The following AKR1C3 variants were observed in gnomAD, a reference collection of about 807,000 sequenced individuals.
AKR1C3 encodes 3-alpha hydroxysteroid dehydrogenase, type II.
In AKR1C3, 48 loss-of-function variants were observed where a neutral mutation model predicts 43.6. The ratio of observed to expected loss-of-function variants is 1.10; its 90% CI spans 0.87 to 1.40. The LOEUF is 1.40. Among genes scored for constraint, AKR1C3 ranks in the 40% most tolerant of loss-of-function variants. The probability of loss-of-function intolerance (pLI) is 0.00; values close to 1 mark genes in which losing one functional copy is unlikely to be tolerated. For missense variants in AKR1C3, 482 were observed against 391.2 expected (o/e 1.23, Z -1.96); for synonymous variants, 162 against 139.6 (o/e 1.16, Z -1.13).
At chr10:5,105,013 G>A (rs11252948) in intron 7 of AKR1C3, among the ~76,000 whole-genome samples, 9 of 151,556 alleles carry the variant, frequency 5.9e-5, no homozygotes, top group Admixed American at 3.3e-4. Context: ...TCAATTCCAT[G>A]TGTTAGCAAT....
chr10:5,058,305 C>T (rs1554779850), intron 1 of AKR1C3, among the ~76,000 whole-genome samples: 1 of 152,102 alleles, frequency 6.6e-6, no homozygotes, highest in Non-Finnish European at 1.5e-5. Flanking sequence ...ATTTGCCTTC[C>T]CTCTTAGAGA....
Position 5,071,844 on chromosome 10 carries a change from G to A in AKR1C3, c.84+22949G>A, listed in dbSNP as rs532921111. ...CCCTTCCTACTTTTTGTAATTTTCC[G>A]CTTGGCTGATTCCACTCAGTCTCTG... is the stretch of plus-strand genomic sequence containing the variant. On this transcript the variant is annotated intron_variant, in intron 1 of 8. Transcript: ENST00000439082. Among the ~76,000 whole-genome samples, 18 of 152,150 alleles carry A rather than the reference G, an allele frequency of 1.2e-4. No individual in the cohort carries two copies. The South Asian group carries it at 3.3e-3, about 28-fold the overall frequency.
Position 5,096,556 on chromosome 10 carries a change from A to C in AKR1C3, c.231A>C (p.Glu77Asp). ...SKIADGSVKR[E>D]DIFYTSKLWS... ...TTGCAGATGGCAGTGTGAAGAGAGAAGACATATTCTACACTTCAAAGGTAC... is the reference window on the plus strand; with the variant it reads ...TTGCAGATGGCAGTGTGAAGAGAGACGACATATTCTACACTTCAAAGGTAC... Residue 77 changes from glutamate (E) to aspartate (D), a missense_variant, in exon 2 of 9, where the codon GAA becomes GAC. Physicochemically the swap from Glu to Asp is conservative, Grantham distance 45. Transcript: ENST00000380554. 1 of 1,613,634 alleles carries C rather than the reference A, an allele frequency of 6.2e-7. No individual in the cohort carries two copies. Among genetic ancestry groups the C allele is most frequent in the Non-Finnish European group, 8.5e-7 (1 of 1,179,654 alleles).
At chr10:5,065,362 T>G (rs1041329363) in intron 1 of AKR1C3, among the ~76,000 whole-genome samples, 1 of 152,206 alleles carries the variant, frequency 6.6e-6, no homozygotes, top group East Asian at 1.9e-4. Flanking sequence ...ATTAAATGCC[T>G]GTCAACACCA....
intron 1 of AKR1C3, among the ~76,000 whole-genome samples, chr10:5,078,630 G>A (rs1406143968): frequency 1.2e-4 from 18 of 152,124 alleles, no homozygotes; most frequent in South Asian, 2.1e-4. Flanking sequence ...TCTCCAGTCC[G>A]ACATATTCCT....
chr10:5,094,203 A>T (rs1839157515), upstream of AKR1C3: 1 of 262,154 alleles, frequency 3.8e-6, no homozygotes, highest in South Asian at 5.4e-5. Context: ...GAAATTAATG[A>T]GTTTATTATA....
chr10:5,098,801 G>A lies in AKR1C3; in HGVS notation c.370-1G>A. On this transcript the variant is annotated splice_acceptor_variant, in intron 3 of 8. Coordinates refer to ENST00000380554, the MANE Select transcript of AKR1C3 (RefSeq NM_003739.6). LOFTEE classifies it high-confidence loss of function. ...CATTAAAATGACTGCTTCTATTTCA[G>A]CCAGGTGAGGAACTTTCACCAACAG... 3 of 1,613,018 alleles carry A rather than the reference G, an allele frequency of 1.9e-6. No homozygotes were observed. The highest frequency in any genetic ancestry group is 2.2e-5 in the South Asian group (2 of 90,880).
At chr10:5,059,623 G>A (rs10904406) in intron 1 of AKR1C3, among the ~76,000 whole-genome samples, 47,709 of 151,930 alleles carry the variant, frequency 0.31, 7,690 homozygotes, top group East Asian at 0.4. Context: ...TTAGTCCAGC[G>A]GCCGCACTAG....
At chr10:5,099,097 G>A (rs1937841) in intron 4 of AKR1C3, among the ~76,000 whole-genome samples, 13,187 of 152,224 alleles carry the variant, frequency 0.087, 683 homozygotes, top group Admixed American at 0.14. Context: ...CTCTTTCCTT[G>A]CTTGTGCATT....
At chr10:5,091,493 G>C (rs540619134), upstream of AKR1C3, among the ~76,000 whole-genome samples, 119 of 152,058 alleles carry the variant, frequency 7.8e-4, 1 homozygote, top group African/African-American at 2.8e-3. Context: ...TTAGCTTTTT[G>C]TCCTTCATAT....
chr10:5,049,014 T>G (rs1327027883), intron 1 of AKR1C3: 4 of 753,124 alleles, frequency 5.3e-6, no homozygotes, highest in Admixed American at 2.0e-5. Flanking sequence ...AACCTGAGTT[T>G]CCCTAGGTTA....
intron 1 of AKR1C3, among the ~76,000 whole-genome samples, chr10:5,075,748 C>G (rs187670437): frequency 4.6e-5 from 7 of 152,234 alleles, no homozygotes; most frequent in African/African-American, 1.7e-4. Flanking sequence ...GTGGTGCATG[C>G]CTCCTATCCC....
At chr10:5,096,340 T>C (rs1839206143) in intron 1 of AKR1C3, 70 bp from the exon 2 acceptor site, 1 of 1,539,036 alleles carries the variant, frequency 6.5e-7, no homozygotes, top group Non-Finnish European at 8.8e-7. Flanking sequence ...TGTATAAAAG[T>C]CAATGCTTGT....
intron 1 of AKR1C3, among the ~76,000 whole-genome samples, chr10:5,052,583 T>TAGATAC (rs1838174963): frequency 6.6e-6 from 1 of 152,096 alleles, no homozygotes; most frequent in Non-Finnish European, 1.5e-5. Flanking sequence ...CCAGAGTAGC[T>TAGATAC]AGAGTGTCGA....
At chr10:5,106,489 G>A (rs933323190) in intron 8 of AKR1C3, among the ~76,000 whole-genome samples, 2 of 152,010 alleles carry the variant, frequency 1.3e-5, no homozygotes, top group Admixed American at 6.6e-5. Context: ...AGTGGCTCAC[G>A]CCTATAATCC....
At chr10:5,083,271 C>G (rs1177031130) in intron 1 of AKR1C3, among the ~76,000 whole-genome samples, 1 of 152,070 alleles carries the variant, frequency 6.6e-6, no homozygotes, top group Non-Finnish European at 1.5e-5. Flanking sequence ...TGTTCCCCTT[C>G]CTGTGTCCAT....
In AKR1C3 at chr10:5,096,634, T is replaced by C. The variant is rs35338655; in HGVS notation, c.252+57T>C. ...TGTATTTATTGTGATTGTGTGGAGA[T>C]GACAATTCTATGACTGGATGAGTAG... On this transcript the variant is annotated intron_variant, in intron 2 of 8. Coordinates refer to ENST00000380554, the MANE Select transcript of AKR1C3 (RefSeq NM_003739.6). 647 of 1,545,454 alleles carry C rather than the reference T, an allele frequency of 4.2e-4. 7 individuals carry two copies. The African/African-American group carries it at 7.6e-3, about 18-fold the overall frequency.
chr10:5,106,889 A>T (rs1839514109), intron 8 of AKR1C3, among the ~76,000 whole-genome samples: 1 of 139,176 alleles, frequency 7.2e-6, no homozygotes, highest in South Asian at 2.2e-4. Flanking sequence ...ATCATTGTTA[A>T]TATTTTTTTA....
intron 1 of AKR1C3, among the ~76,000 whole-genome samples, chr10:5,062,585 A>G (rs1554780347): frequency 6.6e-6 from 1 of 152,174 alleles, no homozygotes; most frequent in African/African-American, 2.4e-5. Context: ...TTCCACCTGC[A>G]CTTTCTTATT....
Sources: gnomAD v4.1 joint callset for allele counts (sites outside exome capture counted in the v4.1 genomes callset) on GRCh38, gnomAD v4.1.1 for gene constraint, MANE v1.5 for transcripts, NCBI Gene and HGNC (gene_info 2026-07-23, HGNC 2026-07-21) for gene names.